The following MNAT1 variants were observed in gnomAD, a reference collection of about 807,000 sequenced individuals.
MNAT1 encodes the protein CDK-activating kinase assembly factor MAT1.
A neutral mutation model predicts 42.0 loss-of-function variants in MNAT1; 43 were observed. That is an observed-to-expected ratio of 1.02 (90% confidence interval 0.80 to 1.32). The LOEUF (loss-of-function observed/expected upper bound fraction) is 1.32. Ranked by LOEUF, MNAT1 falls within the 40% of genes most tolerant of loss-of-function variation. The pLI, the probability that MNAT1 is intolerant of heterozygous loss-of-function variation, is 0.00. For missense variants in MNAT1, 306 were observed against 350.4 expected, an observed-to-expected ratio of 0.87 and a Z score of 1.01; for synonymous variants, 118 against 120.0, an observed-to-expected ratio of 0.98 and a Z score of 0.11.
At chr14:60,946,147 GATC>G (rs1166332061) in intron 7 of MNAT1, among the ~76,000 whole-genome samples, 1 of 152,136 alleles carries the variant, frequency 6.6e-6, no homozygotes, top group Non-Finnish European at 1.5e-5. Flanking sequence ...TTCAGATTGA[GATC>G]ATCTTCTCTG....
At chr14:60,772,995 G>C (rs187147352) in intron 1 of MNAT1, among the ~76,000 whole-genome samples, 1 of 151,082 alleles carries the variant, frequency 6.6e-6, no homozygotes, top group African/African-American at 2.4e-5. Context: ...GTGCAGTGGC[G>C]TGATCTCGGC....
At chr14:60,930,846 A>T (rs576485534) in intron 7 of MNAT1, among the ~76,000 whole-genome samples, 1 of 152,292 alleles carries the variant, frequency 6.6e-6, no homozygotes, top group South Asian at 2.1e-4. Context: ...AAGTATTTTG[A>T]GTAATACTCC....
At chr14:60,940,419 TTTG>T (rs890418259) in intron 7 of MNAT1, among the ~76,000 whole-genome samples, 36 of 152,310 alleles carry the variant, frequency 2.4e-4, no homozygotes, top group South Asian at 2.1e-4. Context: ...AGCTTTATTT[TTTG>T]TTGTTGTTGT....
chr14:60,875,057 C>T (rs557854019), intron 6 of MNAT1, among the ~76,000 whole-genome samples: 1 of 151,968 alleles, frequency 6.6e-6, no homozygotes, highest in Non-Finnish European at 1.5e-5. Flanking sequence ...TGAACTTTGT[C>T]TTATCGTACT....
chr14:60,793,276 A>G (rs529879838), intron 1 of MNAT1, among the ~76,000 whole-genome samples: 2 of 152,226 alleles, frequency 1.3e-5, no homozygotes, highest in Admixed American at 1.3e-4. Flanking sequence ...TCCTGGGCCC[A>G]AGTGACCTGC....
At chr14:60,918,757 T>TA (rs76614015) in intron 7 of MNAT1, among the ~76,000 whole-genome samples, 116,366 of 144,304 alleles carry the variant, frequency 0.81, 50,465 homozygotes, top group Non-Finnish European at 0.96. Flanking sequence ...TATATATATA[T>TA]TTTTGTCCTT....
intron 7 of MNAT1, among the ~76,000 whole-genome samples, chr14:60,945,133 C>G (rs1331628000): frequency 6.6e-6 from 1 of 152,154 alleles, no homozygotes; most frequent in African/African-American, 2.4e-5. Context: ...TCACTCAAAG[C>G]TTAGTAGTAT....
chr14:60,760,094 T>C (rs1450519962), intron 1 of MNAT1, among the ~76,000 whole-genome samples: 1 of 152,194 alleles, frequency 6.6e-6, no homozygotes. Flanking sequence ...CAATTAAATA[T>C]ATCTATTCCA....
intron 1 of MNAT1, among the ~76,000 whole-genome samples, chr14:60,749,652 A>G (rs2029986878): frequency 6.6e-6 from 1 of 152,186 alleles, no homozygotes; most frequent in African/African-American, 2.4e-5. Flanking sequence ...AAATCTATGA[A>G]TTCAAGTAAA....
rs1204517631 is a variant in MNAT1 at position 60,937,572 on chromosome 14, C to G, written c.810-30657C>G. Among the ~76,000 whole-genome samples, 18 of 152,252 alleles carry G rather than the reference C, an allele frequency of 1.2e-4. No homozygotes were observed. In the East Asian group the frequency reaches 2.9e-3, roughly 24 times the overall value. On this transcript the variant is annotated intron_variant, in intron 7 of 7. Coordinates refer to ENST00000261245, the MANE Select transcript of MNAT1 (RefSeq NM_002431.4). ...TGGCATTATTTCTGAGGGCTCTGTT[C>G]TGTTCCATTGGTCTATATGTCTGTT...
intron 1 of MNAT1, among the ~76,000 whole-genome samples, chr14:60,744,162 C>T (rs1209963024): frequency 6.6e-6 from 1 of 150,660 alleles, no homozygotes; most frequent in African/African-American, 2.4e-5. Flanking sequence ...GAGAGAGCCT[C>T]ACTCTGTTGC....
chr14:60,940,155 C>CT (rs1416090399), intron 7 of MNAT1, among the ~76,000 whole-genome samples: 1 of 152,134 alleles, frequency 6.6e-6, no homozygotes, highest in African/African-American at 2.4e-5. Flanking sequence ...TTCCTGAATA[C>CT]AGCACACTGA....
chr14:60,901,800 G>A (rs989403202), intron 7 of MNAT1, among the ~76,000 whole-genome samples: 2 of 152,186 alleles, frequency 1.3e-5, no homozygotes, highest in Non-Finnish European at 2.9e-5. Context: ...GAACAAATGA[G>A]AAACTGACTC....
intron 1 of MNAT1, among the ~76,000 whole-genome samples, chr14:60,737,215 G>A (rs538539655): frequency 3.3e-5 from 5 of 152,130 alleles, no homozygotes; most frequent in South Asian, 2.1e-4. Flanking sequence ...TAAAAGCAAC[G>A]TAAGTTATTA....
At chr14:60,894,414 T>C (rs1594843282) in intron 7 of MNAT1, among the ~76,000 whole-genome samples, 1 of 152,192 alleles carries the variant, frequency 6.6e-6, no homozygotes, top group Non-Finnish European at 1.5e-5. Flanking sequence ...TCTTAGAACA[T>C]GAAGATTTAA....
At position 60,961,072 on chromosome 14, in the gene MNAT1, C is replaced by T. The variant is rs4151396; in HGVS notation, c.810-7157C>T. Reference sequence around the variant, plus strand: ...CTACCTCCCGGGTTCAAGTGATTCTCCTGCCTCAGCCTCCCGAGTAGCTGA... The same window carrying T: ...CTACCTCCCGGGTTCAAGTGATTCTTCTGCCTCAGCCTCCCGAGTAGCTGA... On this transcript the variant is annotated intron_variant, in intron 7 of 7. Transcript: ENST00000261245. 7.4e-3 allele frequency among the ~76,000 whole-genome samples: 1,125 copies of T among 152,218 alleles called. 8 individuals are homozygous for T. Among genetic ancestry groups the T allele is most frequent in the Middle Eastern group, 0.02 (6 of 294 alleles).
intron 4 of MNAT1, 66 bp downstream of exon 4, chr14:60,808,494 A>G: frequency 1.0e-6 from 1 of 980,620 alleles, no homozygotes; most frequent in Non-Finnish European, 1.5e-6. Flanking sequence ...GATACTTTAA[A>G]AAGCCATCTT....
chr14:60,965,686 T>A (rs1171914053), intron 7 of MNAT1, among the ~76,000 whole-genome samples: 1 of 152,224 alleles, frequency 6.6e-6, no homozygotes, highest in Non-Finnish European at 1.5e-5. Flanking sequence ...TGTTTGGCTT[T>A]TCAAGGTTGA....
chr14:60,903,482 A>C (rs2035115486), intron 7 of MNAT1, among the ~76,000 whole-genome samples: 1 of 152,186 alleles, frequency 6.6e-6, no homozygotes, highest in African/African-American at 2.4e-5. Flanking sequence ...ACACTTAAGA[A>C]ATTTAAATTT....
Sources: gnomAD v4.1 joint callset for allele counts (sites outside exome capture counted in the v4.1 genomes callset) on GRCh38, gnomAD v4.1.1 for gene constraint, MANE v1.5 for transcripts, NCBI Gene and HGNC (gene_info 2026-07-23, HGNC 2026-07-21) for gene names.